CDKAL1: variants seen among roughly 807,000 people sequenced by gnomAD.
CDKAL1 encodes the protein CDKAL1 threonylcarbamoyladenosine tRNA methylthiotransferase.
CDKAL1 carries 32 observed loss-of-function variants against 68.2 expected under a neutral mutation model. That is an observed-to-expected ratio of 0.47 (90% CI 0.35 to 0.63). The LOEUF (loss-of-function observed/expected upper bound fraction) is 0.63, where lower values mean the gene tolerates loss of function less well. CDKAL1 is among the 30% of genes least tolerant of loss of function. CDKAL1 has a pLI of 0.00. For missense variants in CDKAL1, 606 were observed against 696.7 expected, an observed-to-expected ratio of 0.87 and a Z score of 1.47; for synonymous variants, 234 against 244.3, an observed-to-expected ratio of 0.96 and a Z score of 0.39.
Position 21,230,898 on chromosome 6 carries a change from T to C in CDKAL1, c.1599T>C (p.Ser533=). The C allele has an allele frequency of 6.2e-7, 1 of 1,613,966 alleles. No individual in the cohort carries two copies. Among genetic ancestry groups the C allele is most frequent in the South Asian group, 1.1e-5 (1 of 91,038 alleles). The part of the protein sequence containing the change: ...GNQLSSGSHT[S]AASQCDSASS... ...AGCTGAGTTCAGGATCCCACACCTCTGCTGCATCTCAGTGTGACTCAGCGA... is the reference window on the plus strand; with the variant it reads ...AGCTGAGTTCAGGATCCCACACCTCCGCTGCATCTCAGTGTGACTCAGCGA... Residue 533 remains serine, a synonymous_variant, in exon 16 of 16, where the codon TCT becomes TCC. Transcript: ENST00000274695.
At chr6:21,165,551 T>G (rs1777116634) in intron 13 of CDKAL1, among the ~76,000 whole-genome samples, 1 of 152,238 alleles carries the variant, frequency 6.6e-6, no homozygotes, top group Non-Finnish European at 1.5e-5. Flanking sequence ...AAGGAAATAT[T>G]GAAGTTAAAT....
intron 5 of CDKAL1, among the ~76,000 whole-genome samples, chr6:20,723,971 C>T (rs747802399): frequency 2.6e-5 from 4 of 152,162 alleles, no homozygotes; most frequent in South Asian, 2.1e-4. Flanking sequence ...CTTACTCTGT[C>T]GCTCAGGCTG....
At chr6:21,129,231 T>C (rs1332363952) in intron 13 of CDKAL1, among the ~76,000 whole-genome samples, 1 of 152,112 alleles carries the variant, frequency 6.6e-6, no homozygotes, top group African/African-American at 2.4e-5. Context: ...AAAAACATAT[T>C]AGCAGTGAGA....
chr6:21,139,469 A>G (rs886601392), intron 13 of CDKAL1, among the ~76,000 whole-genome samples: 2 of 152,148 alleles, frequency 1.3e-5, no homozygotes, highest in African/African-American at 2.4e-5. Context: ...GAGAAAAATA[A>G]CTTCTACCTT....
chr6:20,954,834 A>G (rs1764700480), intron 9 of CDKAL1, among the ~76,000 whole-genome samples: 1 of 152,224 alleles, frequency 6.6e-6, no homozygotes, highest in Non-Finnish European at 1.5e-5. Flanking sequence ...TCCAACACAA[A>G]CACTCAGTTT....
At chr6:20,932,303 C>T (rs1763498081) in intron 9 of CDKAL1, among the ~76,000 whole-genome samples, 1 of 152,064 alleles carries the variant, frequency 6.6e-6, no homozygotes, top group Non-Finnish European at 1.5e-5. Flanking sequence ...GAGTGTTTCT[C>T]AAAGTTGGAG....
chr6:20,913,116 T>TACACACACACACACAC (rs70990080), intron 9 of CDKAL1, among the ~76,000 whole-genome samples: 246 of 136,528 alleles, frequency 1.8e-3, no homozygotes, highest in African/African-American at 5.9e-3. Context: ...CACAGTTGTT[T>TACACACACACACACAC]ACACACACAC....
At chr6:21,072,041 A>G (rs1283377127) in intron 12 of CDKAL1, among the ~76,000 whole-genome samples, 2 of 152,232 alleles carry the variant, frequency 1.3e-5, no homozygotes, top group Non-Finnish European at 2.9e-5. Flanking sequence ...GTGAACTGGT[A>G]CACGCCACAT....
At chr6:21,146,012 T>C (rs1312354907) in intron 13 of CDKAL1, among the ~76,000 whole-genome samples, 1 of 152,212 alleles carries the variant, frequency 6.6e-6, no homozygotes, top group Non-Finnish European at 1.5e-5. Context: ...GACTAGAATG[T>C]AACATTTTTT....
chr6:20,885,219 A>T (rs1349295634), intron 9 of CDKAL1, among the ~76,000 whole-genome samples: 1 of 152,202 alleles, frequency 6.6e-6, no homozygotes, highest in African/African-American at 2.4e-5. Context: ...TAACCAAAGC[A>T]GTCTTTAAAT....
chr6:20,733,034 G>A (rs1476148969), intron 5 of CDKAL1, among the ~76,000 whole-genome samples: 1 of 152,166 alleles, frequency 6.6e-6, no homozygotes, highest in African/African-American at 2.4e-5. Flanking sequence ...CTGTAGGCTG[G>A]GGAGGACTCT....
At chr6:20,750,386 G>C (rs568298416) in intron 6 of CDKAL1, among the ~76,000 whole-genome samples, 27 of 152,144 alleles carry the variant, frequency 1.8e-4, no homozygotes, top group Non-Finnish European at 3.5e-4. Context: ...GAACTTTGTA[G>C]TTCATAGTTA....
intron 11 of CDKAL1, among the ~76,000 whole-genome samples, chr6:21,059,006 G>T (rs928588927): frequency 2.6e-5 from 4 of 152,192 alleles, no homozygotes; most frequent in African/African-American, 9.7e-5. Context: ...TAGCCAGCAG[G>T]CAGGAAAGAC....
intron 11 of CDKAL1, among the ~76,000 whole-genome samples, chr6:21,037,078 C>T (rs1323880456): frequency 6.6e-6 from 1 of 151,954 alleles, no homozygotes; most frequent in African/African-American, 2.4e-5. Context: ...TTTGCTTGTT[C>T]TCATTCATGA....
chr6:20,614,889 A>G (rs1190990118), intron 4 of CDKAL1, among the ~76,000 whole-genome samples: 2 of 148,132 alleles, frequency 1.4e-5, no homozygotes, highest in Admixed American at 6.7e-5. Flanking sequence ...CTAACTCGTC[A>G]TCTAGCATTA....
At chr6:20,913,384 A>G (rs1762564348) in intron 9 of CDKAL1, among the ~76,000 whole-genome samples, 1 of 152,032 alleles carries the variant, frequency 6.6e-6, no homozygotes, top group Non-Finnish European at 1.5e-5. Context: ...TCAGCTCCTC[A>G]CTGGCTGCTG....
At chr6:20,617,052 A>AAAG (rs1266281017) in intron 4 of CDKAL1, among the ~76,000 whole-genome samples, 3 of 151,528 alleles carry the variant, frequency 2.0e-5, no homozygotes, top group African/African-American at 7.3e-5. Flanking sequence ...AGAAAAAAAA[A>AAAG]AAAGCCTTTT....
At chr6:21,118,329 A>T (rs889035182) in intron 13 of CDKAL1, among the ~76,000 whole-genome samples, 1 of 152,192 alleles carries the variant, frequency 6.6e-6, no homozygotes, top group African/African-American at 2.4e-5. Flanking sequence ...AAGACTGTCA[A>T]GGGTCCTGTG....
At chr6:21,047,986 A>G (rs1201140998) in intron 11 of CDKAL1, among the ~76,000 whole-genome samples, 1 of 152,200 alleles carries the variant, frequency 6.6e-6, no homozygotes, top group Non-Finnish European at 1.5e-5. Flanking sequence ...GTGATAATGG[A>G]AAGGTTGATT....
Sources: allele counts gnomAD v4.1 joint callset (sites outside exome capture counted in the v4.1 genomes callset), GRCh38; gene constraint gnomAD v4.1.1; transcripts MANE v1.5; gene names NCBI Gene and HGNC (gene_info 2026-07-23, HGNC 2026-07-21).